CLASP1: variants seen among roughly 807,000 people sequenced by gnomAD.
CLASP1 encodes the protein CLIP-associating protein 1.
In CLASP1, 38 loss-of-function variants were observed where a neutral mutation model predicts 192.3. That is an observed-to-expected ratio of 0.20 (90% CI 0.15 to 0.26). The LOEUF (loss-of-function observed/expected upper bound fraction) is 0.26. Among genes scored for constraint, CLASP1 ranks in the 10% least tolerant of loss-of-function variants. CLASP1 has a pLI of 1.00. For synonymous variants in CLASP1, 691 were observed against 712.8 expected (o/e 0.97, Z 0.49); for missense variants, 1,433 against 1,932.5 (o/e 0.74, Z 4.85).
At chr2:121,475,498 T>C (rs2091482116) in intron 8 of CLASP1, among the ~76,000 whole-genome samples, 1 of 152,158 alleles carries the variant, frequency 6.6e-6, no homozygotes, top group Non-Finnish European at 1.5e-5. Context: ...ATGGTTACAG[T>C]CCAGGATGAA....
At chr2:121,340,906 G>A (rs1422882206) in exon 40 of CLASP1, 1 of 1,611,790 alleles carries the variant, frequency 6.2e-7, no homozygotes, top group African/African-American at 1.3e-5. Context: ...TGTTGCTGTT[G>A]GTGGTCTGGG....
chr2:121,513,091 T>C (rs2094185520), intron 7 of CLASP1: 1 of 152,204 alleles, frequency 6.6e-6, no homozygotes, highest in African/African-American at 2.4e-5. Flanking sequence ...TCTGATACCA[T>C]AAAAGCCTCA....
At chr2:121,647,349 CAA>C (rs974147860) in intron 1 of CLASP1, among the ~76,000 whole-genome samples, 3 of 152,020 alleles carry the variant, frequency 2.0e-5, no homozygotes, top group Admixed American at 2.0e-4. Context: ...GCCTGGGCGA[CAA>C]GAGTGAAACT....
At chr2:121,570,631 T>A (rs2059902558) in intron 2 of CLASP1, among the ~76,000 whole-genome samples, 1 of 152,166 alleles carries the variant, frequency 6.6e-6, no homozygotes, top group Admixed American at 6.5e-5. Context: ...AGAGGGTGAG[T>A]GTATCAATAT....
At chr2:121,559,271 T>C (rs569273643) in intron 2 of CLASP1, among the ~76,000 whole-genome samples, 1 of 152,296 alleles carries the variant, frequency 6.6e-6, no homozygotes, top group African/African-American at 2.4e-5. Context: ...ATGTAGCCAC[T>C]CTGGAAAACA....
At chr2:121,443,289 A>C (rs575102846) in intron 19 of CLASP1, among the ~76,000 whole-genome samples, 68 of 152,230 alleles carry the variant, frequency 4.5e-4, no homozygotes, top group Non-Finnish European at 8.4e-4. Flanking sequence ...GAAAAAAAAA[A>C]AAAAAGTTAA....
At chr2:121,554,905 C>A (rs1320955538) in intron 2 of CLASP1, among the ~76,000 whole-genome samples, 1 of 152,102 alleles carries the variant, frequency 6.6e-6, no homozygotes, top group East Asian at 1.9e-4. Context: ...TTAAGAAAAG[C>A]AAAATCTGTT....
At chr2:121,409,603 T>C (rs1559078957) in intron 24 of CLASP1, among the ~76,000 whole-genome samples, 1 of 152,196 alleles carries the variant, frequency 6.6e-6, no homozygotes, top group South Asian at 2.1e-4. Flanking sequence ...ATGCAGTTCT[T>C]TAAAGAACTA....
At chr2:121,371,580 TAGG>T (rs1330649485) in intron 34 of CLASP1, among the ~76,000 whole-genome samples, 2 of 152,132 alleles carry the variant, frequency 1.3e-5, no homozygotes, top group African/African-American at 2.4e-5. Flanking sequence ...CTGTTCTTGA[TAGG>T]AGTTCTGTTT....
chr2:121,403,133 AT>A (rs1559052692), intron 26 of CLASP1, among the ~76,000 whole-genome samples: 1 of 152,208 alleles, frequency 6.6e-6, no homozygotes, highest in South Asian at 2.1e-4. Context: ...TGCCCAGTGG[AT>A]TTTTATTAAT....
chr2:121,564,707 C>T, intron 2 of CLASP1, among the ~76,000 whole-genome samples: 1 of 152,196 alleles, frequency 6.6e-6, no homozygotes, highest in East Asian at 1.9e-4. Flanking sequence ...CAGATTATCA[C>T]CGAAACAACT....
At chr2:121,569,579 G>C (rs928294869) in intron 2 of CLASP1, among the ~76,000 whole-genome samples, 1 of 152,208 alleles carries the variant, frequency 6.6e-6, no homozygotes, top group Non-Finnish European at 1.5e-5. Context: ...ACGGCCGGAC[G>C]TGGTGGCTCA....
chr2:121,349,622 C>T (rs1220408230), intron 37 of CLASP1, among the ~76,000 whole-genome samples: 3 of 152,128 alleles, frequency 2.0e-5, no homozygotes, highest in Non-Finnish European at 2.9e-5. Flanking sequence ...GTTGGGAAGG[C>T]ACAGAGAGAA....
intron 39 of CLASP1, among the ~76,000 whole-genome samples, chr2:121,343,310 A>G (rs1284256283): frequency 6.6e-6 from 1 of 152,246 alleles, no homozygotes; most frequent in African/African-American, 2.4e-5. Flanking sequence ...AAAATGGTGC[A>G]ATCTCTGTGG....
chr2:121,369,894 A>G (rs532002956), intron 34 of CLASP1, among the ~76,000 whole-genome samples: 2 of 152,306 alleles, frequency 1.3e-5, no homozygotes, highest in Non-Finnish European at 2.9e-5. Context: ...GGTAAAGAAT[A>G]TGCAAATCAC....
intron 8 of CLASP1, among the ~76,000 whole-genome samples, chr2:121,491,801 CT>C (rs1223142251): frequency 6.6e-6 from 1 of 152,180 alleles, no homozygotes; most frequent in Admixed American, 6.5e-5. Flanking sequence ...CAAATTGCTA[CT>C]TGGCTGCTTT....
intron 2 of CLASP1, among the ~76,000 whole-genome samples, chr2:121,540,373 G>A (rs532850231): frequency 5.9e-5 from 9 of 152,288 alleles, no homozygotes; most frequent in African/African-American, 2.2e-4. Context: ...TGGGCACGGT[G>A]GTGTCTACAG....
At chr2:121,352,842 C>CG (rs1186256698) in intron 37 of CLASP1, among the ~76,000 whole-genome samples, 1 of 151,966 alleles carries the variant, frequency 6.6e-6, no homozygotes, top group Non-Finnish European at 1.5e-5. Flanking sequence ...TTAGTAGAGA[C>CG]GGGGTTTCAC....
At chr2:121,610,933 TTACAGGAGGAAGAGGAACTGGAGGAGGA>T (rs2065297215) in intron 1 of CLASP1, among the ~76,000 whole-genome samples, 1 of 46,470 alleles carries the variant, frequency 2.2e-5, no homozygotes. Context: ...GGAGGAGGAG[TTACAGGAGGAAGAGGAACTGGAGGAGGA>T]GGAGGAGTTA....
Sources: gnomAD v4.1 joint callset for allele counts (sites outside exome capture counted in the v4.1 genomes callset) on GRCh38, gnomAD v4.1.1 for gene constraint, MANE v1.5 for transcripts, NCBI Gene and HGNC (gene_info 2026-07-23, HGNC 2026-07-21) for gene names.